Variants in UST observed in about 807,000 individuals in gnomAD.
The protein encoded by UST is chondroitin sulfate 2-O-sulfotransferase.
A neutral mutation model predicts 45.6 loss-of-function variants in UST; 21 were observed. The ratio of observed to expected loss-of-function variants is 0.46; its 90% CI spans 0.33 to 0.66. UST has a LOEUF of 0.66. Ranked by LOEUF, UST falls within the 30% of genes least tolerant of loss-of-function variation. The pLI is 0.02. For synonymous variants in UST, 215 were observed against 200.6 expected, an observed-to-expected ratio of 1.07 and a Z score of -0.61; for missense variants, 463 against 512.4, an observed-to-expected ratio of 0.90 and a Z score of 0.93.
At chr6:148,825,126 G>A (rs1302392815) in intron 1 of UST, among the ~76,000 whole-genome samples, 2 of 152,104 alleles carry the variant, frequency 1.3e-5, no homozygotes, top group East Asian at 3.9e-4. Context: ...CCTGTGGCAT[G>A]GTATGGGGGT....
chr6:148,933,987 CA>C (rs1248729132), intron 2 of UST, among the ~76,000 whole-genome samples: 1 of 152,186 alleles, frequency 6.6e-6, no homozygotes, highest in Non-Finnish European at 1.5e-5. Flanking sequence ...ATATATTCCA[CA>C]AACAAGGAAA....
At chr6:148,984,852 G>T (rs1056095970) in intron 5 of UST, among the ~76,000 whole-genome samples, 1 of 152,216 alleles carries the variant, frequency 6.6e-6, no homozygotes, top group Admixed American at 6.5e-5. Context: ...GATGTTTGGA[G>T]TAGAGCAAAA....
intron 7 of UST, 106 bp downstream of exon 7, chr6:149,021,587 T>C (rs887713957): frequency 3.7e-6 from 5 of 1,342,308 alleles, no homozygotes; most frequent in East Asian, 4.7e-5. Flanking sequence ...TCTCTTCTGA[T>C]GACAAAGGGC....
chr6:148,841,004 T>G lies in UST; in HGVS notation c.248-45982T>G, dbSNP rs1777876786. ...ACTTTTCTTTGTGCGTGACCATCTC[T>G]GCTTTGCATTCTTCCCAATGACCAA... On this transcript the variant is annotated intron_variant, in intron 1 of 7. Transcript: ENST00000367463. Among the ~76,000 whole-genome samples the G allele has an allele frequency of 3.3e-5, 5 of 149,936 alleles. No homozygotes were observed. In the South Asian group the frequency reaches 1.1e-3, roughly 31 times the overall value.
chr6:148,764,037 A>T (rs566716823), intron 1 of UST, among the ~76,000 whole-genome samples: 1 of 152,310 alleles, frequency 6.6e-6, no homozygotes, highest in Admixed American at 6.5e-5. Flanking sequence ...TGAAAATGAC[A>T]TCGGTAATTT....
intron 1 of UST, among the ~76,000 whole-genome samples, chr6:148,763,951 T>C (rs1184311987): frequency 3.3e-5 from 5 of 152,198 alleles, no homozygotes; most frequent in Admixed American, 1.3e-4. Flanking sequence ...CTTTGTTCTT[T>C]TTGCTTAGGA....
In UST at chr6:148,759,842, T is replaced by C. The variant is rs1163034535; in HGVS notation, c.247+12165T>C. 2.8e-5 allele frequency among the ~76,000 whole-genome samples: 3 copies of C among 108,764 alleles called. No homozygotes were observed. In the Admixed American group the frequency reaches 3.1e-4, roughly 11 times the overall value. 71.4% of individuals were successfully genotyped at this position (108,764 alleles called of 152,430 possible). A position where few individuals can be genotyped will look rare whatever the true frequency, so the allele number is the denominator to read the frequency against. ...CAGCCTGGGCGACAGAGCGAGACTC[T>C]GTCTCAAAAAAAAAAAAAAAAAAAA... On this transcript the variant is annotated intron_variant, in intron 1 of 7. Coordinates refer to ENST00000367463, the MANE Select transcript of UST (RefSeq NM_005715.3).
chr6:148,769,315 C>T (rs1224613838), intron 1 of UST, among the ~76,000 whole-genome samples: 1 of 152,240 alleles, frequency 6.6e-6, no homozygotes, highest in East Asian at 1.9e-4. Flanking sequence ...GCACCACAGA[C>T]ATTTAAAGGC....
intron 1 of UST, among the ~76,000 whole-genome samples, chr6:148,829,238 A>G (rs1777636604): frequency 1.3e-5 from 2 of 152,150 alleles, no homozygotes; most frequent in Non-Finnish European, 2.9e-5. Context: ...GCTAGAGGAA[A>G]GAGGTCTTAA....
chr6:148,908,806 G>T (rs184073710), intron 2 of UST, among the ~76,000 whole-genome samples: 1 of 152,094 alleles, frequency 6.6e-6, no homozygotes, highest in African/African-American at 2.4e-5. Flanking sequence ...ATCAGGATTA[G>T]TTCAAAAAGA....
intron 1 of UST, among the ~76,000 whole-genome samples, chr6:148,863,458 C>T (rs1399997484): frequency 2.0e-5 from 3 of 152,120 alleles, no homozygotes; most frequent in Admixed American, 1.3e-4. Flanking sequence ...TCCTTTAGCT[C>T]GGAGAAGTTT....
At chr6:148,801,549 G>C (rs1049199346) in intron 1 of UST, among the ~76,000 whole-genome samples, 14 of 152,110 alleles carry the variant, frequency 9.2e-5, no homozygotes, top group Admixed American at 2.0e-4. Context: ...TGCACAGGGT[G>C]TGGTAGATGT....
At chr6:148,788,548 A>C (rs969109845) in intron 1 of UST, among the ~76,000 whole-genome samples, 1 of 152,190 alleles carries the variant, frequency 6.6e-6, no homozygotes, top group African/African-American at 2.4e-5. Flanking sequence ...CATAAACTTG[A>C]GCCGTTTGTA....
At chr6:148,787,068 T>C (rs762789096) in intron 1 of UST, among the ~76,000 whole-genome samples, 6 of 152,240 alleles carry the variant, frequency 3.9e-5, no homozygotes, top group Non-Finnish European at 7.3e-5. Flanking sequence ...TGTTTTTTTC[T>C]TGTAAATTTA....
At chr6:148,893,395 T>C (rs538644916) in intron 2 of UST, among the ~76,000 whole-genome samples, 3 of 152,314 alleles carry the variant, frequency 2.0e-5, no homozygotes, top group East Asian at 3.9e-4. Flanking sequence ...GAAGCTAATT[T>C]CCCTTTAGTA....
At chr6:149,071,375 T>C (rs1776816773) in intron 7 of UST, among the ~76,000 whole-genome samples, 1 of 152,350 alleles carries the variant, frequency 6.6e-6, no homozygotes, top group Admixed American at 6.5e-5. Flanking sequence ...ATTATATACC[T>C]ATTCAAATTT....
intron 7 of UST, among the ~76,000 whole-genome samples, chr6:149,070,503 G>A (rs1776803923): frequency 6.6e-6 from 1 of 152,146 alleles, no homozygotes; most frequent in Admixed American, 6.5e-5. Context: ...AAGGATCTAG[G>A]CTCCCCTGTG....
chr6:149,072,444 G>A (rs141833234), intron 7 of UST, among the ~76,000 whole-genome samples: 1,625 of 152,104 alleles, frequency 0.011, 39 homozygotes, highest in African/African-American at 0.038. Context: ...ACCTGAGGTC[G>A]GGAATTCGAG....
chr6:148,878,245 G>T (rs1268216703), intron 1 of UST, among the ~76,000 whole-genome samples: 41 of 93,480 alleles, frequency 4.4e-4, no homozygotes, highest in Middle Eastern at 5.5e-3. Context: ...TGAGTGCGGA[G>T]ATCGTGTATG....
Sources: gnomAD v4.1 joint callset for allele counts (sites outside exome capture counted in the v4.1 genomes callset) on GRCh38, gnomAD v4.1.1 for gene constraint, MANE v1.5 for transcripts, NCBI Gene and HGNC (gene_info 2026-07-23, HGNC 2026-07-21) for gene names.